DOCK8: variants seen among roughly 807,000 people sequenced by gnomAD.
DOCK8 encodes the protein dedicator of cytokinesis 8.
DOCK8 carries 141 observed loss-of-function variants against 245.6 expected under a neutral mutation model. The ratio of observed to expected loss-of-function variants is 0.57; its 90% CI spans 0.50 to 0.66. The LOEUF (loss-of-function observed/expected upper bound fraction) is 0.66, where lower values mean the gene tolerates loss of function less well. Among genes scored for constraint, DOCK8 ranks in the 30% least tolerant of loss-of-function variants. The probability of loss-of-function intolerance (pLI) is 0.00; values close to 1 mark genes in which losing one functional copy is unlikely to be tolerated. For missense variants in DOCK8, 2,965 were observed against 2,603.4 expected (o/e 1.14, Z -3.02); for synonymous variants, 1,168 against 970.2 (o/e 1.20, Z -3.79).
At chr9:282,688 G>T (rs925458948) in intron 2 of DOCK8, among the ~76,000 whole-genome samples, 1 of 152,142 alleles carries the variant, frequency 6.6e-6, no homozygotes, top group Admixed American at 6.5e-5. Flanking sequence ...CTCCCGAAGT[G>T]CTGGGACTGC....
Position 215,008 on chromosome 9 carries a change from C to CG in DOCK8, c.33dup (p.Phe12ValfsTer46). On this transcript the variant is annotated frameshift_variant, in exon 1 of 48. Transcript: ENST00000432829. LOFTEE classifies it high-confidence loss of function. ...ACTCTGCCGAGCGCAGAGCGCCGCG[C>CG]GTTCGCGCTCAAGATCAACAGGTAA... The CG allele has an allele frequency of 6.3e-7, 1 of 1,593,294 alleles. No individual in the cohort carries two copies. Among genetic ancestry groups the CG allele is most frequent in the Non-Finnish European group, 8.5e-7 (1 of 1,174,842 alleles).
chr9:389,347 AGG>A (rs1184149779), intron 23 of DOCK8, among the ~76,000 whole-genome samples: 1 of 152,216 alleles, frequency 6.6e-6, no homozygotes, highest in African/African-American at 2.4e-5. Context: ...GGTGACTTGA[AGG>A]GAAGTGAAGA....
intron 1 of DOCK8, among the ~76,000 whole-genome samples, chr9:259,799 G>T (rs1043334155): frequency 4.6e-5 from 7 of 152,182 alleles, no homozygotes; most frequent in Non-Finnish European, 1.0e-4. Context: ...TTGTTTGGTG[G>T]TCCCAGGAGC....
chr9:392,001 G>C (rs1416672871), intron 24 of DOCK8, among the ~76,000 whole-genome samples: 1 of 151,734 alleles, frequency 6.6e-6, no homozygotes. Flanking sequence ...AGCCGGGTGT[G>C]GTGGCGGGTG....
intron 13 of DOCK8, among the ~76,000 whole-genome samples, chr9:339,733 C>G (rs542049842): frequency 1.7e-3 from 261 of 152,338 alleles, no homozygotes; most frequent in African/African-American, 6.1e-3. Context: ...CCAGGATTGT[C>G]TCGATCTCTT....
intron 28 of DOCK8, among the ~76,000 whole-genome samples, chr9:408,905 C>G (rs2055573145): frequency 7.8e-6 from 1 of 128,718 alleles, no homozygotes; most frequent in Admixed American, 8.0e-5. Flanking sequence ...CGCGCGTGCA[C>G]ATGCACACAC....
At chr9:214,620 G>A, upstream of DOCK8, 2 of 1,613,504 alleles carry the variant, frequency 1.2e-6, no homozygotes, top group Non-Finnish European at 1.7e-6. Flanking sequence ...TCCGGCCTGC[G>A]CGCAGTGGTC....
At chr9:339,755 C>G (rs1386726894) in intron 13 of DOCK8, among the ~76,000 whole-genome samples, 2 of 152,212 alleles carry the variant, frequency 1.3e-5, no homozygotes, top group African/African-American at 4.8e-5. Context: ...ACCTCGTGAT[C>G]CACCTGCCTC....
chr9:215,841 G>C (rs1466216416), intron 1 of DOCK8: 2 of 169,442 alleles, frequency 1.2e-5, no homozygotes, highest in Non-Finnish European at 2.9e-5. Flanking sequence ...ACAAGTAATT[G>C]GGACATTTTT....
intron 47 of DOCK8, 73 bp from the exon 48 acceptor site, chr9:464,086 A>G (rs2057899148): frequency 7.5e-7 from 1 of 1,331,678 alleles, no homozygotes; most frequent in Non-Finnish European, 1.1e-6. Context: ...AACCCTTTCT[A>G]AAAGGCTAAC....
chr9:462,751 C>T (rs1198462122), intron 46 of DOCK8, among the ~76,000 whole-genome samples: 1 of 152,178 alleles, frequency 6.6e-6, no homozygotes, highest in Non-Finnish European at 1.5e-5. Flanking sequence ...CCTAGCACTT[C>T]CATATGTACG....
At chr9:373,683 G>T (rs2053396353) in intron 18 of DOCK8, among the ~76,000 whole-genome samples, 1 of 152,094 alleles carries the variant, frequency 6.6e-6, no homozygotes, top group African/African-American at 2.4e-5. Context: ...CTCACTTCCG[G>T]CTGTTTTCCT....
At chr9:452,377 AAC>A in intron 46 of DOCK8, 1 of 250,664 alleles carries the variant, frequency 4.0e-6, no homozygotes, top group East Asian at 7.5e-5. Flanking sequence ...ATGAGTAACT[AAC>A]ACGTCAACTA....
At chr9:349,462 A>T (rs1377184154) in intron 14 of DOCK8, among the ~76,000 whole-genome samples, 1 of 152,236 alleles carries the variant, frequency 6.6e-6, no homozygotes, top group African/African-American at 2.4e-5. Flanking sequence ...GGCTCATTTT[A>T]ATGATTTCTA....
At chr9:297,027 C>T (rs929545356) in intron 4 of DOCK8, among the ~76,000 whole-genome samples, 4 of 152,176 alleles carry the variant, frequency 2.6e-5, no homozygotes, top group Non-Finnish European at 4.4e-5. Flanking sequence ...TCCTCGGCTA[C>T]TCCCTACCCC....
chr9:400,016 C>A (rs1039947292), intron 26 of DOCK8, among the ~76,000 whole-genome samples: 1 of 103,370 alleles, frequency 9.7e-6, no homozygotes, highest in African/African-American at 3.4e-5. Context: ...TCCACCATCA[C>A]CACCACCTCC....
At chr9:399,628 T>C (rs1480865674) in intron 26 of DOCK8, among the ~76,000 whole-genome samples, 32 of 152,064 alleles carry the variant, frequency 2.1e-4, no homozygotes, top group Non-Finnish European at 2.8e-4. Context: ...TTTCACATAT[T>C]AGGGTAATTA....
At chr9:405,248 A>G (rs1331980544) in intron 27 of DOCK8, 175 bp downstream of exon 27, 10 of 697,394 alleles carry the variant, frequency 1.4e-5, no homozygotes, top group Admixed American at 1.4e-4. Context: ...AGAATTAACA[A>G]TCTAAGTAAT....
rs573442656 is a variant in DOCK8 at position 392,152 on chromosome 9, A to G, written c.2970+1586A>G. On this transcript the variant is annotated intron_variant, in intron 24 of 47. Coordinates refer to ENST00000432829, the MANE Select transcript of DOCK8 (RefSeq NM_203447.4). Reference sequence around the variant, plus strand: ...AAACTCCATCTAAAAAAAAAAAAAAAAGAGAGAGGGACTAAAGAGATGGGA... The same window carrying G: ...AAACTCCATCTAAAAAAAAAAAAAAGAGAGAGAGGGACTAAAGAGATGGGA... 4.6e-4 allele frequency among the ~76,000 whole-genome samples: 70 copies of G among 151,678 alleles called. No homozygotes were observed. The East Asian group carries it at 5.6e-3, about 12-fold the overall frequency.
Sources: gnomAD v4.1 joint callset for allele counts (sites outside exome capture counted in the v4.1 genomes callset) on GRCh38, gnomAD v4.1.1 for gene constraint, MANE v1.5 for transcripts, NCBI Gene and HGNC (gene_info 2026-07-23, HGNC 2026-07-21) for gene names.